SEC24D: variants seen among roughly 807,000 people sequenced by gnomAD.
The protein encoded by SEC24D is protein transport protein Sec24D.
A neutral mutation model predicts 116.9 loss-of-function variants in SEC24D; 69 were observed. The observed-to-expected ratio is 0.59, with a 90% CI of 0.49 to 0.72. The LOEUF is 0.72. Among genes scored for constraint, SEC24D ranks in the 30% least tolerant of loss-of-function variants. The pLI, the probability that SEC24D is intolerant of heterozygous loss-of-function variation, is 0.00. For missense variants in SEC24D, 1,131 were observed against 1,264.1 expected, an observed-to-expected ratio of 0.89 and a Z score of 1.60; for synonymous variants, 405 against 442.8, an observed-to-expected ratio of 0.91 and a Z score of 1.07.
chr4:118,820,305 C>G (rs561927817), intron 3 of SEC24D, among the ~76,000 whole-genome samples: 1 of 151,556 alleles, frequency 6.6e-6, no homozygotes, highest in South Asian at 2.1e-4. Context: ...CTCAGCCTTC[C>G]GAGTAGCTGG....
At position 118,780,907 on chromosome 4, in the gene SEC24D, C is replaced by CTTTTTTTTTTTTTTT. The variant is rs143712578; in HGVS notation, c.1042-12611_1042-12597dup. Among the ~76,000 whole-genome samples, 77 of 61,856 alleles carry CTTTTTTTTTTTTTTT rather than the reference C, an allele frequency of 1.2e-3. 1 individual carries two copies. The highest frequency in any genetic ancestry group is 0.01 in the Middle Eastern group (1 of 96). The allele number at this position is 61,856 out of a possible 152,430, so 40.6% of individuals were successfully genotyped here. ...TCAGAGACTAGGATTGCAACCCCTG[C>CTTTTTTTTTTTTTTT]TTTTTTTTTTTTTTTTTTTTTTTTT... is the stretch of plus-strand genomic sequence containing the variant. On this transcript the variant is annotated intron_variant, in intron 8 of 22. Transcript: ENST00000280551.
intron 2 of SEC24D, 45 bp downstream of exon 2, chr4:118,833,534 C>A: frequency 7.7e-7 from 1 of 1,299,176 alleles, no homozygotes; most frequent in Admixed American, 1.8e-5. Context: ...GTCTCTGAGC[C>A]TGAGAACTGA....
At chr4:118,782,777 GGTTT>G (rs1309757224) in intron 8 of SEC24D, among the ~76,000 whole-genome samples, 5 of 152,304 alleles carry the variant, frequency 3.3e-5, no homozygotes, top group South Asian at 2.1e-4. Context: ...TTCCCTGGCT[GGTTT>G]GTTTACCTAC....
rs189443169 is a variant in SEC24D at position 118,775,398 on chromosome 4, C to T, written c.1042-7087G>A. On this transcript the variant is annotated intron_variant, in intron 8 of 22. Coordinates refer to ENST00000280551, the MANE Select transcript of SEC24D (RefSeq NM_014822.4). ...TCTTCAGAGGGGTCAGTAAAGCCTTCGCTCAAGGAAGATATGGGCACTTAT... is the reference window on the plus strand; with the variant it reads ...TCTTCAGAGGGGTCAGTAAAGCCTTTGCTCAAGGAAGATATGGGCACTTAT... Among the ~76,000 whole-genome samples the T allele has an allele frequency of 1.6e-4, 24 of 150,168 alleles. No individual in the cohort carries two copies. In the East Asian group the frequency reaches 4.3e-3, roughly 27 times the overall value.
Position 118,817,700 on chromosome 4 carries a change from G to C in SEC24D, c.249-288C>G, listed in dbSNP as rs533227946. On this transcript the variant is annotated intron_variant, in intron 3 of 22. Coordinates refer to ENST00000280551, the MANE Select transcript of SEC24D (RefSeq NM_014822.4). Reference sequence around the variant, plus strand: ...TCAATTTGGGAAACTGAGCCAACCAGAGCCTTATCTATACTAAAGTTAATC... The same window carrying C: ...TCAATTTGGGAAACTGAGCCAACCACAGCCTTATCTATACTAAAGTTAATC... Among the ~76,000 whole-genome samples, 7 of 152,098 alleles carry C rather than the reference G, an allele frequency of 4.6e-5. No individual in the cohort carries two copies. In the South Asian group the frequency reaches 8.3e-4, roughly 18 times the overall value.
Position 118,740,646 on chromosome 4 carries a change from A to G in SEC24D, c.2238+17T>C. On this transcript the variant is annotated intron_variant, in intron 17 of 22. Coordinates refer to ENST00000280551, the MANE Select transcript of SEC24D (RefSeq NM_014822.4). ...ACAAACTAAAATAACGAAAGGTGGG[A>G]ATACACTTTCAATCACCTGGATTAA... The G allele has an allele frequency of 2.5e-6, 4 of 1,612,886 alleles. No homozygotes were observed. Among genetic ancestry groups the G allele is most frequent in the African/African-American group, 1.3e-5 (1 of 75,008 alleles).
chr4:118,741,443 T>C (rs1015288092), intron 15 of SEC24D, among the ~76,000 whole-genome samples: 1 of 152,176 alleles, frequency 6.6e-6, no homozygotes, highest in South Asian at 2.1e-4. Flanking sequence ...CAGAGCTTTG[T>C]GAAGCTATGT....
intron 10 of SEC24D, 22 bp downstream of exon 10, chr4:118,764,780 T>C: frequency 7.7e-7 from 1 of 1,291,134 alleles, no homozygotes; most frequent in Non-Finnish European, 1.1e-6. Flanking sequence ...GTATAAACAC[T>C]TGAAGTTCTG....
At chr4:118,816,198 G>A (rs1432691289) in intron 4 of SEC24D, among the ~76,000 whole-genome samples, 1 of 151,142 alleles carries the variant, frequency 6.6e-6, no homozygotes, top group African/African-American at 2.4e-5. Flanking sequence ...CAAAGTGCTG[G>A]GATTATAGGT....
chr4:118,766,383 A>G (rs1303330878), intron 9 of SEC24D: 1 of 152,180 alleles, frequency 6.6e-6, no homozygotes, highest in African/African-American at 2.4e-5. Flanking sequence ...TAACTCCAAC[A>G]AACCTCTGTC....
chr4:118,739,213 A>C lies in SEC24D; in HGVS notation c.2313T>G (p.Ser771=), dbSNP rs765419273. 2 of 1,613,658 alleles carry C rather than the reference A, an allele frequency of 1.2e-6. No individual in the cohort carries two copies. Among genetic ancestry groups the C allele is most frequent in the East Asian group, 2.2e-5 (1 of 44,854 alleles). ...RIHNLGLNCS[S]QLADLYKSCE... is the part of the protein sequence containing the mutation. ...AGCTCTTATAAAGATCAGCTAGCTG[A>C]GAGCTGCAGTTTAAGCCAAGATTGT... The change falls in exon 18 of 23, where the codon TCT becomes TCG. Residue 771 remains serine (S), a synonymous_variant. Coordinates refer to ENST00000280551, the MANE Select transcript of SEC24D (RefSeq NM_014822.4).
Position 118,815,048 on chromosome 4 carries a change from G to C in SEC24D, c.781C>G (p.Pro261Ala). ...CTTACTGGGCTAGGGATAGAGTCAG[G>C]ATCCAGCTTCTTCTGGGGCTGTGGC... Reference protein sequence around the residue: ...GPPQPQKKLDPDSIPSPIQVI... With the variant: ...GPPQPQKKLDADSIPSPIQVI... Residue 261 changes from proline to alanine, a missense_variant, in exon 6 of 23, where the codon CCT becomes GCT. Transcript: ENST00000280551. 1 of 1,614,172 alleles carries C rather than the reference G, an allele frequency of 6.2e-7. No individual in the cohort carries two copies. The highest frequency in any genetic ancestry group is 8.5e-7 in the Non-Finnish European group (1 of 1,180,014).
chr4:118,832,041 A>G (rs1001807123), intron 2 of SEC24D, among the ~76,000 whole-genome samples: 1 of 152,132 alleles, frequency 6.6e-6, no homozygotes, highest in Non-Finnish European at 1.5e-5. Flanking sequence ...CGTCTCTACT[A>G]AAAATACAAA....
At chr4:118,803,337 G>A (rs1165213459) in intron 7 of SEC24D, among the ~76,000 whole-genome samples, 1 of 152,166 alleles carries the variant, frequency 6.6e-6, no homozygotes, top group Admixed American at 6.5e-5. Context: ...TGCACATGCT[G>A]TTACTTGACA....
At chr4:118,759,819 GCAA>G (rs2110465168) in intron 10 of SEC24D, among the ~76,000 whole-genome samples, 1 of 152,130 alleles carries the variant, frequency 6.6e-6, no homozygotes, top group South Asian at 2.1e-4. Flanking sequence ...CTCTATATAG[GCAA>G]CTCTTCAAAT....
chr4:118,744,235 A>G, intron 14 of SEC24D, 77 bp from the exon 15 acceptor site: 1 of 1,306,328 alleles, frequency 7.7e-7, no homozygotes, highest in Non-Finnish European at 1.0e-6. Flanking sequence ...ATTTCTATTG[A>G]ATTCTTATTG....
At chr4:118,731,647 CA>C (rs1320195534) in intron 20 of SEC24D, 140 bp from the exon 21 acceptor site, 28 of 672,858 alleles carry the variant, frequency 4.2e-5, no homozygotes, top group Middle Eastern at 5.3e-4. Context: ...TTATTCCAGT[CA>C]TTAGAAAATA....
chr4:118,788,790 C>T (rs1196648088), intron 8 of SEC24D, among the ~76,000 whole-genome samples: 1 of 152,158 alleles, frequency 6.6e-6, no homozygotes, highest in Non-Finnish European at 1.5e-5. Context: ...TGCCAAGGAA[C>T]AACTAAGATT....
intron 19 of SEC24D, among the ~76,000 whole-genome samples, chr4:118,735,190 G>C (rs1269467399): frequency 6.6e-6 from 1 of 152,198 alleles, no homozygotes; most frequent in Non-Finnish European, 1.5e-5. Context: ...ATAGAAGGCA[G>C]AGGGAAGAAA....
Sources: gnomAD v4.1 joint callset for allele counts (sites outside exome capture counted in the v4.1 genomes callset) on GRCh38, gnomAD v4.1.1 for gene constraint, MANE v1.5 for transcripts, NCBI Gene and HGNC (gene_info 2026-07-23, HGNC 2026-07-21) for gene names.